Variants in LPIN1 observed in about 807,000 individuals in gnomAD.
LPIN1 encodes the protein lipin 1, also known as phosphatidate phosphatase LPIN1.
A neutral mutation model predicts 107.5 loss-of-function variants in LPIN1; 71 were observed. The ratio of observed to expected loss-of-function variants is 0.66; its 90% CI spans 0.55 to 0.80. LPIN1 has a LOEUF of 0.80. Among genes scored for constraint, LPIN1 ranks in the 30% least tolerant of loss-of-function variants. LPIN1 has a pLI of 0.00. For missense variants in LPIN1, 1,043 were observed against 1,160.6 expected (o/e 0.90, Z 1.47); for synonymous variants, 445 against 452.6 (o/e 0.98, Z 0.21).
chr2:11,736,561 A>T (rs1665811435), intron 1 of LPIN1, among the ~76,000 whole-genome samples: 2 of 152,220 alleles, frequency 1.3e-5, no homozygotes, highest in African/African-American at 2.4e-5. Context: ...CAACAGATGA[A>T]TTTTGGGGGG....
intron 13 of LPIN1, among the ~76,000 whole-genome samples, chr2:11,793,314 C>A (rs1676106445): frequency 6.6e-6 from 1 of 152,220 alleles, no homozygotes; most frequent in Non-Finnish European, 1.5e-5. Flanking sequence ...TCCCACAAAT[C>A]TGCATTACCA....
intron 1 of LPIN1, among the ~76,000 whole-genome samples, chr2:11,700,073 C>T (rs1662792338): frequency 1.3e-5 from 2 of 152,184 alleles, no homozygotes; most frequent in Admixed American, 1.3e-4. Context: ...AGGAAGCTGC[C>T]TGGTGGCCAT....
chr2:11,819,102 A>C (rs1021081067), intron 18 of LPIN1: 16 of 227,042 alleles, frequency 7.0e-5, no homozygotes, highest in Non-Finnish European at 1.2e-4. Flanking sequence ...TTTTGCACGT[A>C]TATTCACAAA....
intron 14 of LPIN1, among the ~76,000 whole-genome samples, chr2:11,801,944 T>TA (rs570842723): frequency 1.5e-3 from 218 of 148,552 alleles, no homozygotes; most frequent in African/African-American, 4.6e-3. Context: ...CGAAAGACAG[T>TA]AAAAAAAAAA....
At chr2:11,739,126 C>T (rs561847949) in intron 1 of LPIN1, among the ~76,000 whole-genome samples, 2 of 151,116 alleles carry the variant, frequency 1.3e-5, no homozygotes, top group Non-Finnish European at 2.9e-5. Flanking sequence ...AGCCTTGTGG[C>T]TCCTGCTTGC....
intron 1 of LPIN1, among the ~76,000 whole-genome samples, chr2:11,684,687 G>T (rs547517652): frequency 3.3e-4 from 51 of 152,278 alleles, no homozygotes; most frequent in Non-Finnish European, 6.3e-4. Context: ...TTTTGGGGAG[G>T]TTAAAGTATC....
chr2:11,767,700 C>G (rs1047590580), intron 2 of LPIN1, 63 bp from the exon 3 acceptor site: 2 of 1,040,750 alleles, frequency 1.9e-6, no homozygotes, highest in Non-Finnish European at 3.0e-6. Context: ...TTGGCCGTCC[C>G]CATGAGGTCT....
chr2:11,724,731 A>C, intron 1 of LPIN1: 2 of 762,222 alleles, frequency 2.6e-6, no homozygotes, highest in Non-Finnish European at 3.2e-6. Flanking sequence ...CGGGCTTCTC[A>C]GGCCCTGGCT....
intron 3 of LPIN1, among the ~76,000 whole-genome samples, chr2:11,770,635 T>C (rs547657931): frequency 6.6e-6 from 1 of 152,332 alleles, no homozygotes; most frequent in East Asian, 1.9e-4. Context: ...ATTTATCCCC[T>C]CTGTTTTATG....
chr2:11,702,843 C>A (rs529001592), intron 1 of LPIN1, among the ~76,000 whole-genome samples: 1 of 152,276 alleles, frequency 6.6e-6, no homozygotes, highest in African/African-American at 2.4e-5. Flanking sequence ...GTTTGCCAAT[C>A]ATTTTTATTG....
intron 1 of LPIN1, among the ~76,000 whole-genome samples, chr2:11,751,396 C>G (rs1667767184): frequency 6.6e-6 from 1 of 152,278 alleles, no homozygotes; most frequent in African/African-American, 2.4e-5. Flanking sequence ...AAAACACAAG[C>G]TAGAAAGCAA....
At chr2:11,757,757 C>T (rs1226299117) in intron 1 of LPIN1, among the ~76,000 whole-genome samples, 1 of 152,022 alleles carries the variant, frequency 6.6e-6, no homozygotes, top group Non-Finnish European at 1.5e-5. Flanking sequence ...TCCTGGCTTC[C>T]TGAAATGAGT....
At chr2:11,796,515 G>T (rs1676743959) in intron 14 of LPIN1, among the ~76,000 whole-genome samples, 1 of 152,148 alleles carries the variant, frequency 6.6e-6, no homozygotes, top group African/African-American at 2.4e-5. Flanking sequence ...AGACGAGTGT[G>T]CGGGACCTGG....
intron 3 of LPIN1, among the ~76,000 whole-genome samples, chr2:11,769,656 C>A (rs550030555): frequency 5.9e-5 from 9 of 151,698 alleles, no homozygotes; most frequent in Non-Finnish European, 7.4e-5. Flanking sequence ...GTTGTGCATG[C>A]TTTTGGTGTC....
chr2:11,679,918 G>A (rs1219487779), intron 1 of LPIN1, among the ~76,000 whole-genome samples: 3 of 152,264 alleles, frequency 2.0e-5, no homozygotes, highest in Non-Finnish European at 4.4e-5. Context: ...TGCACCTGGA[G>A]GAATCTGGCC....
chr2:11,698,585 CA>C (rs1332507686), intron 1 of LPIN1, among the ~76,000 whole-genome samples: 1 of 152,248 alleles, frequency 6.6e-6, no homozygotes, highest in African/African-American at 2.4e-5. Flanking sequence ...GATTGCCCGA[CA>C]CCATGCCTCT....
chr2:11,768,829 C>T lies in LPIN1; in HGVS notation c.288+971C>T, dbSNP rs368520869. Among the ~76,000 whole-genome samples, 9 of 152,086 alleles carry T rather than the reference C, an allele frequency of 5.9e-5. No individual in the cohort carries two copies. The South Asian group carries it at 8.3e-4, about 14-fold the overall frequency. ...CGGGTGCCTGTAGTCCCAGCTACTCCGGAGACTGAGGCAGGAGAATGGCGT... is the reference window on the plus strand; with the variant it reads ...CGGGTGCCTGTAGTCCCAGCTACTCTGGAGACTGAGGCAGGAGAATGGCGT... On this transcript the variant is annotated intron_variant, in intron 3 of 20. Transcript: ENST00000674199.
chr2:11,720,286 A>T (rs1290459601), upstream of LPIN1, among the ~76,000 whole-genome samples: 1 of 152,118 alleles, frequency 6.6e-6, no homozygotes, highest in Non-Finnish European at 1.5e-5. Context: ...ATGACCCATG[A>T]TATGGTATTT....
At chr2:11,717,229 G>A (rs114312720) in intron 2 of LPIN1, among the ~76,000 whole-genome samples, 61 of 152,284 alleles carry the variant, frequency 4.0e-4, no homozygotes, top group African/African-American at 1.3e-3. Flanking sequence ...TAATTGATGC[G>A]TCTTTGCACA....
Sources: gnomAD v4.1 joint callset for allele counts (sites outside exome capture counted in the v4.1 genomes callset) on GRCh38, gnomAD v4.1.1 for gene constraint, MANE v1.5 for transcripts, NCBI Gene and HGNC (gene_info 2026-07-23, HGNC 2026-07-21) for gene names.